The following CNTNAP2 variants were observed in gnomAD, a reference collection of about 807,000 sequenced individuals.
CNTNAP2 encodes contactin-associated protein-like 2.
In CNTNAP2, 98 loss-of-function variants were observed where a neutral mutation model predicts 155.2. That is an observed-to-expected ratio of 0.63 (90% CI 0.54 to 0.75). The LOEUF (loss-of-function observed/expected upper bound fraction) is 0.75. CNTNAP2 is among the 30% of genes least tolerant of loss of function. The pLI, the probability that CNTNAP2 is intolerant of heterozygous loss-of-function variation, is 0.00. For synonymous variants in CNTNAP2, 651 were observed against 631.2 expected, an observed-to-expected ratio of 1.03 and a Z score of -0.47; for missense variants, 1,727 against 1,688.1, an observed-to-expected ratio of 1.02 and a Z score of -0.40.
intron 1 of CNTNAP2, among the ~76,000 whole-genome samples, chr7:146,456,266 T>C (rs1796553553): frequency 6.6e-6 from 1 of 152,226 alleles, no homozygotes; most frequent in African/African-American, 2.4e-5. Context: ...TGTATTTTAA[T>C]GTTTTCAGCA....
intron 8 of CNTNAP2, among the ~76,000 whole-genome samples, chr7:147,193,319 G>T (rs1170745141): frequency 6.6e-6 from 1 of 152,154 alleles, no homozygotes. Flanking sequence ...TCCAACCAAG[G>T]TCTGTCTAAG....
intron 13 of CNTNAP2, among the ~76,000 whole-genome samples, chr7:147,851,035 C>T (rs1563110942): frequency 6.6e-6 from 1 of 152,038 alleles, no homozygotes; most frequent in Non-Finnish European, 1.5e-5. Context: ...TGACAAAGGG[C>T]TAATATCCAG....
At chr7:146,425,293 C>A (rs1351421472) in intron 1 of CNTNAP2, among the ~76,000 whole-genome samples, 1 of 151,976 alleles carries the variant, frequency 6.6e-6, no homozygotes, top group Non-Finnish European at 1.5e-5. Flanking sequence ...AGTATAAAAC[C>A]CATTTTGTTA....
intron 2 of CNTNAP2, among the ~76,000 whole-genome samples, chr7:146,834,431 C>T (rs565170878): frequency 9.9e-5 from 15 of 151,608 alleles, no homozygotes; most frequent in Admixed American, 1.3e-4. Context: ...ACTACACACA[C>T]GCAAATACAC....
At chr7:148,253,826 T>A (rs1796413100) in intron 20 of CNTNAP2, among the ~76,000 whole-genome samples, 1 of 152,092 alleles carries the variant, frequency 6.6e-6, no homozygotes, top group Non-Finnish European at 1.5e-5. Flanking sequence ...ATTTGACTAA[T>A]CATATATAGT....
At chr7:147,209,240 T>C (rs1157655562) in intron 8 of CNTNAP2, among the ~76,000 whole-genome samples, 1 of 152,082 alleles carries the variant, frequency 6.6e-6, no homozygotes, top group Admixed American at 6.6e-5. Flanking sequence ...GGAATGTTTT[T>C]CTATTTGCTT....
At chr7:147,283,895 G>A (rs1257527724) in intron 8 of CNTNAP2, among the ~76,000 whole-genome samples, 4 of 151,740 alleles carry the variant, frequency 2.6e-5, no homozygotes, top group Non-Finnish European at 5.9e-5. Flanking sequence ...ATATTGGTAT[G>A]TCATTTATTT....
At chr7:147,394,808 TG>T (rs1396474993) in intron 9 of CNTNAP2, among the ~76,000 whole-genome samples, 6 of 13,074 alleles carry the variant, frequency 4.6e-4, no homozygotes, top group Non-Finnish European at 7.1e-4. Flanking sequence ...TCAACAGTAT[TG>T]TGTGTGTGTG....
intron 10 of CNTNAP2, among the ~76,000 whole-genome samples, chr7:147,407,312 C>CA (rs1382442197): frequency 1.3e-5 from 2 of 151,214 alleles, no homozygotes; most frequent in Non-Finnish European, 1.5e-5. Context: ...CCTAAAAATA[C>CA]AAAAAATTAG....
rs568734917 is a variant in CNTNAP2, at chr7:146,586,269, C to T, written c.98-188002C>T. On this transcript the variant is annotated intron_variant, in intron 1 of 23. Coordinates refer to ENST00000361727, the MANE Select transcript of CNTNAP2 (RefSeq NM_014141.6). ...AAGAAGTGCTGCTTTCTTATGAATT[C>T]CCACTCTAAATTCATTAATTTAAGA... 1.2e-4 allele frequency among the ~76,000 whole-genome samples: 18 copies of T among 152,148 alleles called. No homozygotes were observed. The South Asian group carries it at 1.2e-3, about 11-fold the overall frequency.
chr7:147,899,059 G>A (rs1046874470), intron 13 of CNTNAP2, among the ~76,000 whole-genome samples: 2 of 150,680 alleles, frequency 1.3e-5, no homozygotes, highest in Non-Finnish European at 3.0e-5. Context: ...GTCAAATCCA[G>A]CTGAATGTGG....
intron 2 of CNTNAP2, among the ~76,000 whole-genome samples, chr7:146,796,720 C>A (rs1311188239): frequency 1.3e-5 from 2 of 152,096 alleles, no homozygotes; most frequent in Non-Finnish European, 2.9e-5. Context: ...TGAAAATCAA[C>A]TTCCTTATCT....
chr7:147,779,491 C>G (rs1797634154), intron 13 of CNTNAP2, among the ~76,000 whole-genome samples: 1 of 152,076 alleles, frequency 6.6e-6, no homozygotes, highest in Non-Finnish European at 1.5e-5. Flanking sequence ...AGGGCTGAAA[C>G]AAATAATTAC....
intron 11 of CNTNAP2, among the ~76,000 whole-genome samples, chr7:147,528,647 C>A (rs983986392): frequency 2.6e-5 from 4 of 152,180 alleles, no homozygotes; most frequent in Non-Finnish European, 4.4e-5. Context: ...AATGGCCTCT[C>A]TCTTCTGGTA....
chr7:148,384,926 A>ATAAT (rs1563067259), intron 22 of CNTNAP2, among the ~76,000 whole-genome samples: 1 of 152,220 alleles, frequency 6.6e-6, no homozygotes, highest in African/African-American at 2.4e-5. Context: ...TTTAGCTACA[A>ATAAT]TAATATTAAT....
intron 10 of CNTNAP2, among the ~76,000 whole-genome samples, chr7:147,419,408 A>T (rs985755047): frequency 1.6e-4 from 25 of 152,204 alleles, no homozygotes; most frequent in African/African-American, 5.8e-4. Flanking sequence ...GGCTAGGAGT[A>T]TAGGAGAAAT....
chr7:147,178,556 G>A (rs1231431706), intron 8 of CNTNAP2, among the ~76,000 whole-genome samples: 1 of 152,132 alleles, frequency 6.6e-6, no homozygotes, highest in Non-Finnish European at 1.5e-5. Flanking sequence ...GAGTTTAAGA[G>A]TCTGAATGGA....
intron 8 of CNTNAP2, among the ~76,000 whole-genome samples, chr7:147,166,327 T>G (rs1328110172): frequency 1.3e-5 from 2 of 151,942 alleles, no homozygotes; most frequent in Non-Finnish European, 2.9e-5. Flanking sequence ...CACTCATAAG[T>G]TGGAGCTAAG....
intron 8 of CNTNAP2, among the ~76,000 whole-genome samples, chr7:147,169,311 T>C (rs1802180729): frequency 1.3e-5 from 2 of 152,166 alleles, no homozygotes; most frequent in Admixed American, 1.3e-4. Context: ...ATACAGCAGG[T>C]ACAAGCACAG....
Sources: allele counts gnomAD v4.1 joint callset (sites outside exome capture counted in the v4.1 genomes callset), GRCh38; gene constraint gnomAD v4.1.1; transcripts MANE v1.5; gene names NCBI Gene and HGNC (gene_info 2026-07-23, HGNC 2026-07-21).